Variants in HIBCH observed in about 807,000 individuals in gnomAD.
HIBCH encodes the protein 3-hydroxyisobutyryl-CoA hydrolase.
In HIBCH, 50 loss-of-function variants were observed where a neutral mutation model predicts 58.2. The ratio of observed to expected loss-of-function variants is 0.86; its 90% CI spans 0.68 to 1.09. HIBCH has a LOEUF of 1.09. HIBCH is among the 50% of genes least tolerant of loss of function. The pLI, the probability that HIBCH is intolerant of heterozygous loss-of-function variation, is 0.00. For synonymous variants in HIBCH, 151 were observed against 146.9 expected, an observed-to-expected ratio of 1.03 and a Z score of -0.20; for missense variants, 450 against 449.7, an observed-to-expected ratio of 1.00 and a Z score of -0.01.
intron 1 of HIBCH, among the ~76,000 whole-genome samples, chr2:190,195,182 A>T (rs956562058): frequency 3.9e-5 from 6 of 152,106 alleles, no homozygotes; most frequent in African/African-American, 1.4e-4. Context: ...TTAATGCTGA[A>T]TATGTTCCAT....
intron 12 of HIBCH, among the ~76,000 whole-genome samples, chr2:190,212,238 T>C (rs1246653289): frequency 6.6e-6 from 1 of 152,216 alleles, no homozygotes; most frequent in Non-Finnish European, 1.5e-5. Flanking sequence ...CTAACAGAGT[T>C]ATTTCTAACT....
At chr2:190,221,299 T>G (rs1250938261) in intron 11 of HIBCH, among the ~76,000 whole-genome samples, 3 of 152,216 alleles carry the variant, frequency 2.0e-5, no homozygotes. Flanking sequence ...TCTAGATGAC[T>G]GACCATAGTA....
chr2:190,303,956 G>GA (rs1688336857), intron 2 of HIBCH, among the ~76,000 whole-genome samples: 1 of 151,918 alleles, frequency 6.6e-6, no homozygotes, highest in Non-Finnish European at 1.5e-5. Context: ...GCCTAATTAT[G>GA]AAAAAAACAA....
intron 11 of HIBCH, among the ~76,000 whole-genome samples, chr2:190,219,136 A>G (rs374380985): frequency 3.7e-5 from 5 of 135,334 alleles, no homozygotes; most frequent in African/African-American, 1.3e-4. Context: ...GATCTCCAAG[A>G]ATCCACATGG....
At position 190,209,454 on chromosome 2, in the gene HIBCH, TC is replaced by T. The variant is rs1690466424; in HGVS notation, c.1012-542del. ...AAACAATCCAAGATCTCTTCCCAAC[TC>T]CCCAAGATAATGATTTTAAGTGTTT... On this transcript the variant is annotated intron_variant, in intron 12 of 13. Coordinates refer to ENST00000359678, the MANE Select transcript of HIBCH (RefSeq NM_014362.4). The surrounding 1 kb of genome is among the most constrained non-coding windows in gnomAD (Gnocchi z 5.6). 6.6e-6 allele frequency among the ~76,000 whole-genome samples: 1 copy of T among 152,092 alleles called. No homozygotes were observed. Among genetic ancestry groups the T allele is most frequent in the African/African-American group, 2.4e-5 (1 of 41,412 alleles).
At chr2:190,299,708 A>G (rs1366353782) in intron 2 of HIBCH, among the ~76,000 whole-genome samples, 1 of 152,070 alleles carries the variant, frequency 6.6e-6, no homozygotes, top group Non-Finnish European at 1.5e-5. Context: ...TTCAGGGTAC[A>G]TGCGCAGGTT....
At chr2:190,200,317 T>C (rs747691116), downstream of HIBCH, 11 of 625,910 alleles carry the variant, frequency 1.8e-5, no homozygotes, top group Non-Finnish European at 3.1e-5. Flanking sequence ...TAAGTACTTC[T>C]ATGTTAACAG....
In HIBCH at chr2:190,214,808, G is replaced by A. The variant is rs13022324; in HGVS notation, c.892-1733C>T. On this transcript the variant is annotated intron_variant, in intron 11 of 13. Transcript: ENST00000359678. This position sits in a 1 kb window ranked among gnomAD's most constrained non-coding sequence, Gnocchi z 5.5. ...TCACAAGGTAGAGGACAGGGAGATC[G>A]GGGGCAAGAGGAAGGTCGAGGAAAG... 2.6e-5 allele frequency: 4 copies of A among 152,198 alleles called. No individual in the cohort carries two copies. Among genetic ancestry groups the A allele is most frequent in the Non-Finnish European group, 4.4e-5 (3 of 68,074 alleles). The allele number at this position is 152,198 out of a possible 1,614,324, so 9.4% of individuals were successfully genotyped here.
At chr2:190,247,218 TTG>T (rs1686634492) in intron 9 of HIBCH, among the ~76,000 whole-genome samples, 1 of 152,196 alleles carries the variant, frequency 6.6e-6, no homozygotes, top group South Asian at 2.1e-4. Context: ...CTAAATCAAC[TTG>T]ATCAAAACGC....
At position 190,287,611 on chromosome 2, in the gene HIBCH, A is replaced by G. The variant is rs1164938896; in HGVS notation, c.413T>C (p.Leu138Pro). The G allele has an allele frequency of 6.2e-7, 1 of 1,611,720 alleles. No individual in the cohort carries two copies. The highest frequency in any genetic ancestry group is 1.3e-5 in the African/African-American group (1 of 74,990). Residue 138 changes from leucine to proline, a missense_variant, in exon 6 of 14, where the codon CTT becomes CCT. Coordinates refer to ENST00000359678, the MANE Select transcript of HIBCH (RefSeq NM_014362.4). ...CCCACCCATTGTAATTCCATGAATAAGTGCAACATAAGGTTTCTGGCAAGA... is the reference window on the plus strand; with the variant it reads ...CCCACCCATTGTAATTCCATGAATAGGTGCAACATAAGGTTTCTGGCAAGA... ...VGSCQKPYVA[L>P]IHGITMGGGV...
In HIBCH at chr2:190,246,337, T is replaced by C. The variant is rs1686608128; in HGVS notation, c.751-125A>G. The C allele has an allele frequency of 1.4e-5, 9 of 645,402 alleles. No homozygotes were observed. The South Asian group carries it at 1.5e-4, about 11-fold the overall frequency. The allele number at this position is 645,402 out of a possible 1,614,324, so 40.0% of individuals were successfully genotyped here. A position where few individuals can be genotyped will look rare whatever the true frequency, so the allele number is the denominator to read the frequency against. ...CACTTTCAGTCAAATTACATCTAACTGTCTCATAAATAACTACCGCTGTAT... is the reference window on the plus strand; with the variant it reads ...CACTTTCAGTCAAATTACATCTAACCGTCTCATAAATAACTACCGCTGTAT... On this transcript the variant is annotated intron_variant, in intron 9 of 13. Coordinates refer to ENST00000359678, the MANE Select transcript of HIBCH (RefSeq NM_014362.4).
intron 5 of HIBCH, among the ~76,000 whole-genome samples, chr2:190,288,143 A>T (rs1370233347): frequency 7.6e-6 from 1 of 131,586 alleles, no homozygotes; most frequent in Non-Finnish European, 1.6e-5. Context: ...TGGGCAACAG[A>T]CCAAGACCCT....
chr2:190,284,751 CT>C (rs904629924), intron 6 of HIBCH, among the ~76,000 whole-genome samples: 11 of 151,796 alleles, frequency 7.2e-5, no homozygotes, highest in African/African-American at 2.7e-4. Flanking sequence ...TCACAGTTAG[CT>C]TTTTTTTCTT....
intron 6 of HIBCH, among the ~76,000 whole-genome samples, chr2:190,262,476 C>T (rs897503497): frequency 6.6e-6 from 1 of 152,190 alleles, no homozygotes. Context: ...CTGCCATCAG[C>T]ATCACACAAC....
chr2:190,288,447 T>G (rs1472697540), intron 5 of HIBCH, among the ~76,000 whole-genome samples: 1 of 150,502 alleles, frequency 6.6e-6, no homozygotes, highest in African/African-American at 2.5e-5. Flanking sequence ...TACATATTAT[T>G]TCTGGAGAAA....
intron 13 of HIBCH, 160 bp downstream of exon 13, chr2:190,208,720 A>G: frequency 1.5e-6 from 1 of 684,878 alleles, no homozygotes; most frequent in Non-Finnish European, 2.7e-6. Context: ...CTTATGGTCC[A>G]ATGAACATTT....
At chr2:190,269,658 G>A (rs923892643) in intron 6 of HIBCH, among the ~76,000 whole-genome samples, 2 of 152,180 alleles carry the variant, frequency 1.3e-5, no homozygotes, top group Non-Finnish European at 2.9e-5. Flanking sequence ...GTGGAAGACA[G>A]TTTGGTGATT....
intron 6 of HIBCH, among the ~76,000 whole-genome samples, chr2:190,283,888 C>T (rs1261504393): frequency 6.6e-6 from 1 of 152,160 alleles, no homozygotes; most frequent in Non-Finnish European, 1.5e-5. Context: ...TCGAGAAGCA[C>T]AGGACAGAAA....
chr2:190,229,845 T>C (rs1046484001), intron 11 of HIBCH, among the ~76,000 whole-genome samples: 1 of 72,126 alleles, frequency 1.4e-5, no homozygotes, highest in African/African-American at 8.3e-5. Context: ...TATGGCTGGA[T>C]TTTTTTTTTT....
Sources: gnomAD v4.1 joint callset for allele counts (sites outside exome capture counted in the v4.1 genomes callset) on GRCh38, gnomAD v4.1.1 for gene constraint, Gnocchi (gnomAD v3.1) non-coding constraint, MANE v1.5 for transcripts, NCBI Gene and HGNC (gene_info 2026-07-23, HGNC 2026-07-21) for gene names.